CCDC148: variants seen among roughly 807,000 people sequenced by gnomAD.
CCDC148 encodes coiled-coil domain-containing protein 148.
Under a neutral mutation model 85.7 loss-of-function variants are expected in CCDC148, and 89 were observed. That is an observed-to-expected ratio of 1.04 (90% CI 0.87 to 1.24). The LOEUF (loss-of-function observed/expected upper bound fraction) is 1.24. Ranked by LOEUF, CCDC148 falls within the 50% of genes most tolerant of loss-of-function variation. The pLI, the probability that CCDC148 is intolerant of heterozygous loss-of-function variation, is 0.00. For synonymous variants in CCDC148, 230 were observed against 213.9 expected, an observed-to-expected ratio of 1.08 and a Z score of -0.66; for missense variants, 692 against 671.7, an observed-to-expected ratio of 1.03 and a Z score of -0.33.
At chr2:158,285,389 T>C (rs1690571196) in intron 9 of CCDC148, among the ~76,000 whole-genome samples, 1 of 150,734 alleles carries the variant, frequency 6.6e-6, no homozygotes, top group African/African-American at 2.4e-5. Context: ...CTCTCCAGAA[T>C]AAAGCATAGC....
chr2:158,296,813 A>C (rs1266527976), intron 9 of CCDC148, among the ~76,000 whole-genome samples: 1 of 152,208 alleles, frequency 6.6e-6, no homozygotes, highest in Non-Finnish European at 1.5e-5. Flanking sequence ...ATGTAGATTC[A>C]TCAAGTCCTC....
intron 11 of CCDC148, among the ~76,000 whole-genome samples, chr2:158,200,080 C>CA (rs1284651513): frequency 7.2e-5 from 11 of 151,730 alleles, no homozygotes; most frequent in Admixed American, 4.6e-4. Flanking sequence ...CACTCTGGTC[C>CA]AAAAAAAATC....
At chr2:158,295,874 G>A (rs1471372888) in intron 9 of CCDC148, among the ~76,000 whole-genome samples, 4 of 151,878 alleles carry the variant, frequency 2.6e-5, no homozygotes, top group African/African-American at 9.7e-5. Flanking sequence ...GTTCTGGCCA[G>A]GGCAATTAGT....
In CCDC148 at chr2:158,345,227, A is replaced by T; in HGVS notation, c.239T>A (p.Leu80Gln). 1 of 1,612,880 alleles carries T rather than the reference A, an allele frequency of 6.2e-7. No homozygotes were observed. The highest frequency in any genetic ancestry group is 8.5e-7 in the Non-Finnish European group (1 of 1,179,268). ...CCCCAGTTCTTACCTGACTTCATTCAGCCTCTGGTATTCCTGCCACCACAC... is the reference window on the plus strand; with the variant it reads ...CCCCAGTTCTTACCTGACTTCATTCTGCCTCTGGTATTCCTGCCACCACAC... ...KQVWWQEYQRLNEVRCKMESE... is the reference protein window; with the variant it reads ...KQVWWQEYQRQNEVRCKMESE... Residue 80 changes from leucine (L) to glutamine (Q), a missense_variant, in exon 3 of 14, where the codon CTG becomes CAG. Transcript: ENST00000283233.
rs559235329 is a variant in CCDC148 at position 158,281,487 on chromosome 2, T to A, written c.1110+27946A>T. On this transcript the variant is annotated intron_variant, in intron 9 of 13. Transcript: ENST00000283233. ...AGAAATACAAACTACCATCAGAGAGTAGTACAAACACCTCTACGCAAATAA... is the reference window on the plus strand; with the variant it reads ...AGAAATACAAACTACCATCAGAGAGAAGTACAAACACCTCTACGCAAATAA... Among the ~76,000 whole-genome samples, 66 of 151,616 alleles carry A rather than the reference T, an allele frequency of 4.4e-4. 1 individual carries two copies. Among genetic ancestry groups the A allele is most frequent in the African/African-American group, 1.5e-3 (62 of 41,342 alleles).
intron 10 of CCDC148, among the ~76,000 whole-genome samples, chr2:158,230,525 G>T (rs926207655): frequency 6.6e-6 from 1 of 152,174 alleles, no homozygotes; most frequent in Non-Finnish European, 1.5e-5. Flanking sequence ...GCTGGAGCAG[G>T]TGGCATAGGT....
chr2:158,366,859 CA>C (rs1684227270), intron 1 of CCDC148, among the ~76,000 whole-genome samples: 1 of 152,140 alleles, frequency 6.6e-6, no homozygotes, highest in African/African-American at 2.4e-5. Flanking sequence ...ACTCACTTTT[CA>C]AAAGTTTGTG....
intron 5 of CCDC148, among the ~76,000 whole-genome samples, chr2:158,339,497 G>GA (rs1349467889): frequency 1.3e-5 from 2 of 152,116 alleles, no homozygotes; most frequent in African/African-American, 4.8e-5. Context: ...CTGAAAAATA[G>GA]AAAAAACCAC....
chr2:158,204,535 T>A (rs1379387557), intron 11 of CCDC148, among the ~76,000 whole-genome samples: 1 of 152,138 alleles, frequency 6.6e-6, no homozygotes, highest in Non-Finnish European at 1.5e-5. Flanking sequence ...GAAGCCGAGC[T>A]TCATGGAGAG....
chr2:158,203,419 C>T (rs1287500994), intron 11 of CCDC148, among the ~76,000 whole-genome samples: 2 of 152,142 alleles, frequency 1.3e-5, no homozygotes, highest in Non-Finnish European at 2.9e-5. Flanking sequence ...GGCATCATCA[C>T]GGTGGTGTCC....
intron 1 of CCDC148, among the ~76,000 whole-genome samples, chr2:158,371,783 T>G (rs992208979): frequency 6.6e-6 from 1 of 151,938 alleles, no homozygotes; most frequent in African/African-American, 2.4e-5. Flanking sequence ...TCTCAAAGAA[T>G]TCTGCCTTTT....
intron 1 of CCDC148, among the ~76,000 whole-genome samples, chr2:158,418,610 C>A (rs1354437171): frequency 6.6e-6 from 1 of 151,910 alleles, no homozygotes; most frequent in Non-Finnish European, 1.5e-5. Context: ...GTCACATCTA[C>A]CAGATCTTAT....
chr2:158,351,437 C>G (rs1253899910), intron 2 of CCDC148, among the ~76,000 whole-genome samples: 2 of 144,952 alleles, frequency 1.4e-5, no homozygotes, highest in Non-Finnish European at 3.0e-5. Flanking sequence ...CGCAAGGGGT[C>G]AGGGAGTTCC....
intron 9 of CCDC148, among the ~76,000 whole-genome samples, chr2:158,300,028 T>C (rs1691369015): frequency 6.6e-6 from 1 of 152,204 alleles, no homozygotes; most frequent in Non-Finnish European, 1.5e-5. Flanking sequence ...GCCTGGTGAC[T>C]TTGTTCATGC....
chr2:158,351,839 G>A (rs1434983244), intron 2 of CCDC148, among the ~76,000 whole-genome samples: 1 of 151,042 alleles, frequency 6.6e-6, no homozygotes, highest in Non-Finnish European at 1.5e-5. Context: ...TGACAGCTTT[G>A]AAGAGAGCAG....
intron 9 of CCDC148, among the ~76,000 whole-genome samples, chr2:158,279,786 A>T (rs1388566177): frequency 1.3e-5 from 2 of 151,902 alleles, no homozygotes; most frequent in East Asian, 3.9e-4. Flanking sequence ...CGCCACAAAG[A>T]TACTCCTCGA....
intron 9 of CCDC148, among the ~76,000 whole-genome samples, chr2:158,271,121 A>G (rs1256368886): frequency 6.6e-6 from 1 of 152,204 alleles, no homozygotes. Context: ...CAGCATAATC[A>G]TCATCACTTT....
chr2:158,186,339 C>T (rs1685154099), intron 11 of CCDC148, among the ~76,000 whole-genome samples: 1 of 152,038 alleles, frequency 6.6e-6, no homozygotes, highest in Admixed American at 6.6e-5. Flanking sequence ...CCTGCCAACA[C>T]CTTGAACTGA....
At chr2:158,201,589 T>G (rs1685967380) in intron 11 of CCDC148, among the ~76,000 whole-genome samples, 1 of 152,020 alleles carries the variant, frequency 6.6e-6, no homozygotes, top group South Asian at 2.1e-4. Context: ...TTTTTCTATT[T>G]TTTGTAGACA....
Sources: allele counts gnomAD v4.1 joint callset (sites outside exome capture counted in the v4.1 genomes callset), GRCh38; gene constraint gnomAD v4.1.1; transcripts MANE v1.5; gene names NCBI Gene and HGNC (gene_info 2026-07-23, HGNC 2026-07-21).